LGI1: variants seen among roughly 807,000 people sequenced by gnomAD.
LGI1 encodes the protein leucine-rich glioma-inactivated protein 1.
Under a neutral mutation model 57.7 loss-of-function variants are expected in LGI1, and 11 were observed. That is an observed-to-expected ratio of 0.19 (90% CI 0.12 to 0.32). The LOEUF is 0.32. LGI1 is among the 10% of genes least tolerant of loss of function. The pLI is 1.00. For synonymous variants in LGI1, 222 were observed against 241.9 expected (o/e 0.92, Z 0.76); for missense variants, 422 against 661.9 (o/e 0.64, Z 3.98).
chr10:93,759,952 C>T lies in LGI1; in HGVS notation c.287+1121C>T, dbSNP rs1357000327. Among the ~76,000 whole-genome samples the T allele has an allele frequency of 2.0e-5, 3 of 152,186 alleles. No homozygotes were observed. The East Asian group carries it at 5.8e-4, about 29-fold the overall frequency. ...CTTATCTTTAAAATGGAAGTGAGAACACATACTTCCAAGGTTTAAGTAGAT... is the reference window on the plus strand; with the variant it reads ...CTTATCTTTAAAATGGAAGTGAGAATACATACTTCCAAGGTTTAAGTAGAT... On this transcript the variant is annotated intron_variant, in intron 2 of 7. Coordinates refer to ENST00000371418, the MANE Select transcript of LGI1 (RefSeq NM_005097.4).
chr10:93,790,411 C>CA (rs2059926899), intron 5 of LGI1: 1 of 516,500 alleles, frequency 1.9e-6, no homozygotes, highest in Admixed American at 3.6e-5. Flanking sequence ...AAGTGTGTGT[C>CA]AATACGGCAG....
At chr10:93,765,519 A>T (rs982508418) in intron 2 of LGI1, 3 of 152,200 alleles carry the variant, frequency 2.0e-5, no homozygotes, top group Non-Finnish European at 4.4e-5. Flanking sequence ...GGAATTCTGG[A>T]AGTAGATTTT....
intron 4 of LGI1, among the ~76,000 whole-genome samples, chr10:93,784,437 T>C (rs376174493): frequency 7.3e-4 from 111 of 152,322 alleles, no homozygotes; most frequent in African/African-American, 2.4e-3. Context: ...GACCCAGTGA[T>C]CATTCACTTT....
chr10:93,758,902 C>CCT lies in LGI1; in HGVS notation c.287+71_287+72insCT, dbSNP rs2059594351. On this transcript the variant is annotated intron_variant, in intron 2 of 7. Transcript: ENST00000371418. This position sits in a 1 kb window ranked among gnomAD's most constrained non-coding sequence, Gnocchi z 4.7. ...TGGATAAGCCTTCTAGTAAAATGATCTCAATATTAATTTTGTCAAATGTGA... is the reference window on the plus strand; with the variant it reads ...TGGATAAGCCTTCTAGTAAAATGATCCTTCAATATTAATTTTGTCAAATGTGA... The CCT allele has an allele frequency of 8.3e-6, 9 of 1,085,682 alleles. No individual in the cohort carries two copies. In the South Asian group the frequency reaches 1.2e-4, roughly 14 times the overall value. 67.3% of individuals were successfully genotyped at this position (1,085,682 alleles called of 1,614,324 possible).
At chr10:93,794,030 T>G in intron 7 of LGI1, 1 of 144,320 alleles carries the variant, frequency 6.9e-6, no homozygotes, top group East Asian at 2.0e-4. Flanking sequence ...TTTTTTTTTT[T>G]TTTTTTGAGA....
chr10:93,758,515 T>C lies in LGI1; in HGVS notation c.215+156T>C. ...GTGCTAACATTTGCTGCATTTAGAA[T>C]TTTTGATTTTTTTAGCTGCTACTGA... On this transcript the variant is annotated intron_variant, in intron 1 of 7. Transcript: ENST00000371418. The surrounding 1 kb of genome is among the most constrained non-coding windows in gnomAD (Gnocchi z 4.7). 1 of 830,532 alleles carries C rather than the reference T, an allele frequency of 1.2e-6. No individual in the cohort carries two copies. The allele number at this position is 830,532 out of a possible 1,614,324, so 51.4% of individuals were successfully genotyped here. A position where few individuals can be genotyped will look rare whatever the true frequency, so the allele number is the denominator to read the frequency against.
rs1050895587 is a variant in LGI1 at position 93,780,496 on chromosome 10, T to C, written c.431+2879T>C. ...AAACATTCAAGCTGTGAGGAATTAG[T>C]ACCTCACCCTCTAACCTGCATGCAT... On this transcript the variant is annotated intron_variant, in intron 4 of 7. Coordinates refer to ENST00000371418, the MANE Select transcript of LGI1 (RefSeq NM_005097.4). 2.6e-5 allele frequency among the ~76,000 whole-genome samples: 4 copies of C among 152,208 alleles called. No individual in the cohort carries two copies. The East Asian group carries it at 5.8e-4, about 22-fold the overall frequency.
chr10:93,796,660 A>C (rs1480732469), intron 7 of LGI1, among the ~76,000 whole-genome samples: 1 of 152,230 alleles, frequency 6.6e-6, no homozygotes, highest in Non-Finnish European at 1.5e-5. Context: ...CAGGGAAACT[A>C]ATGCTTTCTT....
At chr10:93,796,437 G>T (rs2059980406) in intron 7 of LGI1, among the ~76,000 whole-genome samples, 1 of 152,156 alleles carries the variant, frequency 6.6e-6, no homozygotes, top group Non-Finnish European at 1.5e-5. Context: ...TGGGTTAAAA[G>T]CATAGAGATG....
At chr10:93,781,358 C>G (rs899371680) in intron 4 of LGI1, among the ~76,000 whole-genome samples, 4 of 136,578 alleles carry the variant, frequency 2.9e-5, no homozygotes, top group African/African-American at 1.0e-4. Flanking sequence ...GACTCCGTCT[C>G]TAAGAAGTAA....
rs906114740 is a variant in LGI1 at position 93,793,090 on chromosome 10, A to G, written c.674-96A>G. 5.7e-6 allele frequency: 7 copies of G among 1,219,196 alleles called. No individual in the cohort carries two copies. The African/African-American group carries it at 6.2e-5, about 11-fold the overall frequency. The allele number at this position is 1,219,196 out of a possible 1,614,324, so 75.5% of individuals were successfully genotyped here. A position where few individuals can be genotyped will look rare whatever the true frequency, so the allele number is the denominator to read the frequency against. ...TTAAAAGTAAAATGGCCATTTTACT[A>G]TTCTCTGAAATAAATGTATTTCTTG... On this transcript the variant is annotated intron_variant, in intron 6 of 7. Coordinates refer to ENST00000371418, the MANE Select transcript of LGI1 (RefSeq NM_005097.4).
chr10:93,785,402 G>A (rs1238413214), intron 4 of LGI1, among the ~76,000 whole-genome samples: 1 of 152,164 alleles, frequency 6.6e-6, no homozygotes, highest in Non-Finnish European at 1.5e-5. Flanking sequence ...CTCACAATAA[G>A]TGAAATTCAT....
Position 93,758,889 on chromosome 10 carries a change from CT to C in LGI1, c.287+59del. ...TATGGCATATATTTGGATAAGCCTT[CT>C]AGTAAAATGATCTCAATATTAATTT... On this transcript the variant is annotated intron_variant, in intron 2 of 7. Transcript: ENST00000371418. This position sits in a 1 kb window ranked among gnomAD's most constrained non-coding sequence, Gnocchi z 4.7. 8.6e-7 allele frequency: 1 copy of C among 1,169,384 alleles called. No homozygotes were observed. Among genetic ancestry groups the C allele is most frequent in the Non-Finnish European group, 1.3e-6 (1 of 780,488 alleles). The allele number at this position is 1,169,384 out of a possible 1,614,324, so 72.4% of individuals were successfully genotyped here. A position where few individuals can be genotyped will look rare whatever the true frequency, so the allele number is the denominator to read the frequency against.
chr10:93,793,428 TA>T lies in LGI1; in HGVS notation c.838+79del. On this transcript the variant is annotated intron_variant, in intron 7 of 7. Coordinates refer to ENST00000371418, the MANE Select transcript of LGI1 (RefSeq NM_005097.4). ...GGGCAACAAGGAAAGATGAGTGGTA[TA>T]GGGGAATGCTTTAGCATTTGAATTC... 3.3e-6 allele frequency: 4 copies of T among 1,228,614 alleles called. No individual in the cohort carries two copies. In the South Asian group the frequency reaches 3.6e-5, roughly 11 times the overall value. The allele number at this position is 1,228,614 out of a possible 1,614,324, so 76.1% of individuals were successfully genotyped here.
At chr10:93,767,438 C>T (rs1348029038) in intron 2 of LGI1, 3 of 152,168 alleles carry the variant, frequency 2.0e-5, no homozygotes. Context: ...GGCATAGAAA[C>T]ATCTCTGAAA....
chr10:93,796,457 C>T (rs867489093), intron 7 of LGI1, among the ~76,000 whole-genome samples: 4 of 152,134 alleles, frequency 2.6e-5, no homozygotes, highest in Non-Finnish European at 4.4e-5. Context: ...GCTGGTAGGC[C>T]TGGCTTTGAA....
intron 7 of LGI1, among the ~76,000 whole-genome samples, chr10:93,793,553 G>A (rs746376861): frequency 6.6e-6 from 1 of 152,194 alleles, no homozygotes; most frequent in African/African-American, 2.4e-5. Flanking sequence ...TCACAAGGTT[G>A]TTAATAAGAT....
intron 2 of LGI1, chr10:93,767,200 A>G (rs1468226574): frequency 6.6e-6 from 1 of 152,214 alleles, no homozygotes; most frequent in Non-Finnish European, 1.5e-5. Context: ...TGCAACTCTC[A>G]TTTATATGTG....
chr10:93,797,931 C>T lies in LGI1; in HGVS notation c.*128C>T. ...TTTCAAACATTGAGACTGCTAGAACCAAGCACTACCAGTATCTCCATCCTT... is the reference window on the plus strand; with the variant it reads ...TTTCAAACATTGAGACTGCTAGAACTAAGCACTACCAGTATCTCCATCCTT... On this transcript the variant is annotated 3_prime_UTR_variant, in exon 8 of 8. Coordinates refer to ENST00000371418, the MANE Select transcript of LGI1 (RefSeq NM_005097.4). The surrounding 1 kb of genome is among the most constrained non-coding windows in gnomAD (Gnocchi z 6.5). 2.7e-6 allele frequency: 2 copies of T among 734,652 alleles called. No homozygotes were observed. Among genetic ancestry groups the T allele is most frequent in the African/African-American group, 1.7e-5 (1 of 58,036 alleles). 45.5% of individuals were successfully genotyped at this position (734,652 alleles called of 1,614,324 possible).
Sources: allele counts gnomAD v4.1 joint callset (sites outside exome capture counted in the v4.1 genomes callset), GRCh38; gene constraint gnomAD v4.1.1; non-coding constraint Gnocchi (gnomAD v3.1); transcripts MANE v1.5; gene names NCBI Gene and HGNC (gene_info 2026-07-23, HGNC 2026-07-21).